Variants in ESYT3 observed in about 807,000 individuals in gnomAD.
ESYT3 encodes the protein extended synaptotagmin-3.
ESYT3 carries 101 observed loss-of-function variants against 111.5 expected under a neutral mutation model. That is an observed-to-expected ratio of 0.91 (90% CI 0.77 to 1.07). The LOEUF is 1.07. Ranked by LOEUF, ESYT3 falls within the 50% of genes least tolerant of loss-of-function variation. The probability of loss-of-function intolerance (pLI) is 0.00; values close to 1 mark genes in which losing one functional copy is unlikely to be tolerated. For missense variants in ESYT3, 1,097 were observed against 1,109.4 expected (o/e 0.99, Z 0.16); for synonymous variants, 416 against 446.8 (o/e 0.93, Z 0.87).
At chr3:138,457,439 G>T in intron 3 of ESYT3, 129 bp from the exon 4 acceptor site, 1 of 821,390 alleles carries the variant, frequency 1.2e-6, no homozygotes, top group South Asian at 1.4e-5. Context: ...AGATTTACAT[G>T]TCTGTGCCTC....
At position 138,478,630 on chromosome 3, in the gene ESYT3, C is replaced by T. The variant is rs1026552736; in HGVS notation, c.*1776C>T. 10 of 152,106 alleles carry T rather than the reference C, an allele frequency of 6.6e-5. No individual in the cohort carries two copies. The highest frequency in any genetic ancestry group is 3.8e-4 in the East Asian group (2 of 5,198). The allele number at this position is 152,106 out of a possible 1,614,324, so 9.4% of individuals were successfully genotyped here. ...TTATTTTAAACGTGGTCAATTGAAC[C>T]GTTTTTACCTGTGTCAGGCAACACA... On this transcript the variant is annotated 3_prime_UTR_variant, in exon 23 of 23. Coordinates refer to ENST00000389567, the MANE Select transcript of ESYT3 (RefSeq NM_031913.5).
intron 7 of ESYT3, among the ~76,000 whole-genome samples, 199 bp from the exon 8 acceptor site, chr3:138,461,886 CT>C (rs1223870151): frequency 2.6e-5 from 4 of 152,010 alleles, no homozygotes; most frequent in African/African-American, 9.7e-5. Flanking sequence ...GGTGGGAGGA[CT>C]GCTGTTGAGA....
In ESYT3 at chr3:138,476,329, G is replaced by A. The variant is rs902501794; in HGVS notation, c.2574+1G>A. 18 of 1,611,070 alleles carry A rather than the reference G, an allele frequency of 1.1e-5. No homozygotes were observed. The highest frequency in any genetic ancestry group is 1.7e-5 in the Admixed American group (1 of 60,000). On this transcript the variant is annotated splice_donor_variant, in intron 21 of 22. Coordinates refer to ENST00000389567, the MANE Select transcript of ESYT3 (RefSeq NM_031913.5). LOFTEE classifies it high-confidence loss of function. ...ACACAGAAGAAAGGAGTTAGGAAAA[G>A]TAAGTACAAGAGATATTTGATATAC...
At position 138,448,659 on chromosome 3, in the gene ESYT3, C is replaced by CA. The variant is rs1252025146; in HGVS notation, c.328-3382dup. On this transcript the variant is annotated intron_variant, in intron 1 of 22. Transcript: ENST00000389567. ...GGTGGGAAAAGATTTCTTCAAGTTC[C>CA]AAAAAAAGACCAATTATAATGGAAA... 2.0e-4 allele frequency among the ~76,000 whole-genome samples: 30 copies of CA among 151,754 alleles called. 1 individual carries two copies. Among genetic ancestry groups the CA allele is most frequent in the Non-Finnish European group, 3.8e-4 (26 of 67,932 alleles).
Position 138,468,636 on chromosome 3 carries a change from G to T in ESYT3, c.1309-19G>T, listed in dbSNP as rs781505943. 11 of 1,613,682 alleles carry T rather than the reference G, an allele frequency of 6.8e-6. No homozygotes were observed. The highest frequency in any genetic ancestry group is 9.3e-6 in the Non-Finnish European group (11 of 1,179,754). ...CCTGCTGCTGGGAGTACCCAGTGAG[G>T]GTCTGTGTCTGTTTGCAGGACCATG... On this transcript the variant is annotated intron_variant, in intron 12 of 22. Coordinates refer to ENST00000389567, the MANE Select transcript of ESYT3 (RefSeq NM_031913.5).
In ESYT3 at chr3:138,472,266, T is replaced by C. The variant is rs1576466646; in HGVS notation, c.1741-97T>C. 37 of 1,489,604 alleles carry C rather than the reference T, an allele frequency of 2.5e-5. No individual in the cohort carries two copies. In the South Asian group the frequency reaches 4.8e-4, roughly 19 times the overall value. 92.3% of individuals were successfully genotyped at this position (1,489,604 alleles called of 1,614,324 possible). ...GGAAGTTCCCTAGGAAGGGTCTTTA[T>C]AATTCACAACTGAGGGGAAAGGGGG... On this transcript the variant is annotated intron_variant, in intron 17 of 22. Transcript: ENST00000389567.
intron 18 of ESYT3, 114 bp from the exon 19 acceptor site, chr3:138,473,422 T>C (rs2033332587): frequency 1.2e-6 from 1 of 866,148 alleles, no homozygotes; most frequent in Non-Finnish European, 1.8e-6. Flanking sequence ...CTGTGAATTA[T>C]TATCCTACAT....
chr3:138,448,063 C>T (rs1045604917), intron 1 of ESYT3, among the ~76,000 whole-genome samples: 14 of 151,454 alleles, frequency 9.2e-5, no homozygotes, highest in African/African-American at 1.5e-4. Flanking sequence ...TTCAGGAGTT[C>T]GAGACCAGCC....
In ESYT3 at chr3:138,468,725, G is replaced by A. The variant is rs368261418; in HGVS notation, c.1371+8G>A. 1 of 1,614,004 alleles carries A rather than the reference G, an allele frequency of 6.2e-7. No homozygotes were observed. Among genetic ancestry groups the A allele is most frequent in the Admixed American group, 1.7e-5 (1 of 59,992 alleles). ...AGTGCCTGCAACTTGCCGGTGAGTGGCGACATGTCCAGAGTGTCACACAAA... is the reference window on the plus strand; with the variant it reads ...AGTGCCTGCAACTTGCCGGTGAGTGACGACATGTCCAGAGTGTCACACAAA... On this transcript the variant is annotated splice_region_variant and intron_variant, in intron 13 of 22. Transcript: ENST00000389567.
At chr3:138,467,654 C>T in intron 11 of ESYT3, 45 bp downstream of exon 11, 1 of 1,592,408 alleles carries the variant, frequency 6.3e-7, no homozygotes, top group South Asian at 1.1e-5. Context: ...CAAGGTAGCC[C>T]TTTCCTGTGG....
Position 138,470,122 on chromosome 3 carries a change from G to A in ESYT3, c.1566G>A (p.Val522=), listed in dbSNP as rs577990870. 4.6e-5 allele frequency: 74 copies of A among 1,612,856 alleles called. No homozygotes were observed. In the East Asian group the frequency reaches 1.6e-3, roughly 35 times the overall value. The stretch of plus-strand genomic sequence containing the variant: ...TGTTCTCCTTCTTTGTGCACAATGT[G>A]GCCACTGAGCGGCTCCATCTGAAGG... ...SQVFSFFVHN[V]ATERLHLKVL... The change falls in exon 16 of 23, where the codon GTG becomes GTA. Residue 522 remains valine (V), a synonymous_variant. Transcript: ENST00000389567.
chr3:138,452,592 G>T (rs908026385), intron 2 of ESYT3, among the ~76,000 whole-genome samples: 1 of 152,150 alleles, frequency 6.6e-6, no homozygotes, highest in South Asian at 2.1e-4. Context: ...CTCCCCTTGG[G>T]CTCTGCTGCC....
chr3:138,470,732 C>A, intron 16 of ESYT3, 145 bp from the exon 17 acceptor site: 1 of 1,501,688 alleles, frequency 6.7e-7, no homozygotes, highest in East Asian at 2.3e-5. Flanking sequence ...GGCCTGATCC[C>A]ATTCTAGTTT....
At chr3:138,457,497 C>G (rs192253657) in intron 3 of ESYT3, 71 bp from the exon 4 acceptor site, 4 of 1,380,694 alleles carry the variant, frequency 2.9e-6, no homozygotes, top group Non-Finnish European at 4.1e-6. Flanking sequence ...AGCCCAGTGC[C>G]GGGGGGAGAG....
chr3:138,444,797 A>C (rs1489029304), intron 1 of ESYT3, among the ~76,000 whole-genome samples: 1 of 152,176 alleles, frequency 6.6e-6, no homozygotes, highest in East Asian at 1.9e-4. Context: ...TCCCTTTATA[A>C]AGGAGTTGAG....
In ESYT3 at chr3:138,468,841, A is replaced by G. The variant is rs1377706300; in HGVS notation, c.1394A>G (p.Asn465Ser). 2.4e-5 allele frequency: 38 copies of G among 1,614,030 alleles called. No individual in the cohort carries two copies. The Admixed American group carries it at 4.8e-4, about 21-fold the overall frequency. Residue 465 changes from asparagine to serine, a missense_variant, in exon 14 of 23, where the codon AAT (asparagine) becomes AGT (serine). Asn to Ser is a conservative substitution (Grantham distance 46). Transcript: ENST00000389567. ...CAGAGAAACCCTTTTGACTACCTGA[A>G]TGGTGAATATCGAGCCAAAAAACTC... The part of the protein sequence containing the change: ...NLPRNPFDYL[N>S]GEYRAKKLSR...
At chr3:138,476,589 A>G in intron 22 of ESYT3, 97 bp downstream of exon 22, 1 of 1,261,080 alleles carries the variant, frequency 7.9e-7, no homozygotes, top group Non-Finnish European at 1.1e-6. Flanking sequence ...TCAAGAAGGG[A>G]GGGAGATGAA....
chr3:138,457,596 A>G lies in ESYT3; in HGVS notation c.533A>G (p.His178Arg), dbSNP rs777653947. Residue 178 changes from histidine to arginine, a missense_variant, in exon 4 of 23, where the codon CAC becomes CGC. Transcript: ENST00000389567. ...CCCAGGGTCAACGGTGTCAAGGCAC[A>G]CACTAATACGTGCAACCGAAGACGT... ...KCPRVNGVKA[H>R]TNTCNRRRVT... 1.9e-6 allele frequency: 3 copies of G among 1,614,168 alleles called. No homozygotes were observed. The highest frequency in any genetic ancestry group is 1.7e-5 in the Admixed American group (1 of 60,028).
chr3:138,470,083 T>C lies in ESYT3; in HGVS notation c.1527T>C (p.Pro509=). Residue 509 remains proline, a synonymous_variant, in exon 16 of 23, where the codon CCT becomes CCC. Coordinates refer to ENST00000389567, the MANE Select transcript of ESYT3 (RefSeq NM_031913.5). ...AGACCTGTCCCCACAACAAGGACCC[T>C]GTGTGGAGCCAGGTGTTCTCCTTCT... ...TSKTCPHNKD[P]VWSQVFSFFV... 6.2e-7 allele frequency: 1 copy of C among 1,613,036 alleles called. No homozygotes were observed. Among genetic ancestry groups the C allele is most frequent in the Non-Finnish European group, 8.5e-7 (1 of 1,179,282 alleles).
Sources: allele counts gnomAD v4.1 joint callset (sites outside exome capture counted in the v4.1 genomes callset), GRCh38; gene constraint gnomAD v4.1.1; transcripts MANE v1.5; gene names NCBI Gene and HGNC (gene_info 2026-07-23, HGNC 2026-07-21).